LOXHD1: variants seen among roughly 807,000 people sequenced by gnomAD.
LOXHD1 encodes lipoxygenase homology PLAT domains 1.
In LOXHD1, 205 loss-of-function variants were observed where a neutral mutation model predicts 248.2. The ratio of observed to expected loss-of-function variants is 0.83; its 90% CI spans 0.74 to 0.93. LOXHD1 has a LOEUF of 0.93. LOXHD1 is among the 40% of genes least tolerant of loss of function. The pLI, the probability that LOXHD1 is intolerant of heterozygous loss-of-function variation, is 0.00. For missense variants in LOXHD1, 2,930 were observed against 2,971.6 expected, an observed-to-expected ratio of 0.99 and a Z score of 0.33; for synonymous variants, 1,113 against 1,162.8, an observed-to-expected ratio of 0.96 and a Z score of 0.87.
chr18:46,499,515 C>T (rs1311161721), intron 37 of LOXHD1, among the ~76,000 whole-genome samples: 1 of 152,180 alleles, frequency 6.6e-6, no homozygotes, highest in South Asian at 2.1e-4. Flanking sequence ...AATCTTAGAC[C>T]CTAGTTTCTG....
At chr18:46,499,423 T>C (rs1330730282) in intron 37 of LOXHD1, among the ~76,000 whole-genome samples, 1 of 152,122 alleles carries the variant, frequency 6.6e-6, no homozygotes, top group African/African-American at 2.4e-5. Flanking sequence ...GAAATTTAAA[T>C]AAGGGCTGAA....
intron 34 of LOXHD1, among the ~76,000 whole-genome samples, chr18:46,512,211 C>G (rs555224752): frequency 6.6e-6 from 1 of 152,134 alleles, no homozygotes; most frequent in South Asian, 2.1e-4. Flanking sequence ...ATAACAACAT[C>G]GCCATTTTAA....
In LOXHD1 at chr18:46,569,462, C is replaced by T. The variant is rs1445142715; in HGVS notation, c.2224G>A (p.Glu742Lys). ...ERGRVDEFTL[E>K]TLNIGNINRL... Reference sequence around the variant, plus strand: ...CTTACATTTCCAATGTTCAGGGTCTCGAGGGTGAACTCATCCACCCGGCCA... The same window carrying T: ...CTTACATTTCCAATGTTCAGGGTCTTGAGGGTGAACTCATCCACCCGGCCA... The change falls in exon 16 of 41, where the codon GAG becomes AAG. Residue 742 changes from glutamate to lysine, a missense_variant. Glu to Lys is a moderately conservative substitution (Grantham distance 56, BLOSUM62 1). Coordinates refer to ENST00000642948, the MANE Select transcript of LOXHD1 (RefSeq NM_001384474.1). 12 of 1,552,046 alleles carry T rather than the reference C, an allele frequency of 7.7e-6. No homozygotes were observed. Among genetic ancestry groups the T allele is most frequent in the Admixed American group, 3.9e-5 (2 of 50,998 alleles).
chr18:46,550,824 A>G (rs2037067835), intron 21 of LOXHD1, among the ~76,000 whole-genome samples: 1 of 152,100 alleles, frequency 6.6e-6, no homozygotes, highest in Non-Finnish European at 1.5e-5. Flanking sequence ...GCCTATTCTG[A>G]CTGATACAAC....
chr18:46,606,798 A>C (rs1462058941), intron 6 of LOXHD1, among the ~76,000 whole-genome samples: 1 of 152,212 alleles, frequency 6.6e-6, no homozygotes, highest in African/African-American at 2.4e-5. Flanking sequence ...TTGAGGAAAA[A>C]ATAGAAACAT....
intron 20 of LOXHD1, chr18:46,558,159 C>A (rs1456079267): frequency 1.6e-6 from 1 of 636,524 alleles, no homozygotes; most frequent in African/African-American, 2.0e-5. Flanking sequence ...GATGAAAGTT[C>A]ATATGCCTTC....
At chr18:46,602,606 C>T (rs528107216) in intron 7 of LOXHD1, among the ~76,000 whole-genome samples, 1 of 152,272 alleles carries the variant, frequency 6.6e-6, no homozygotes, top group Non-Finnish European at 1.5e-5. Context: ...ACACTCTTAT[C>T]CCATAACCTC....
chr18:46,601,555 C>G (rs750506703), intron 7 of LOXHD1, 88 bp from the exon 8 acceptor site: 1 of 1,522,430 alleles, frequency 6.6e-7, no homozygotes, highest in African/African-American at 1.4e-5. Context: ...GTTACAACAC[C>G]CCCAAAGCCC....
chr18:46,557,785 G>T (rs957923167), intron 20 of LOXHD1: 11 of 1,106,724 alleles, frequency 9.9e-6, no homozygotes, highest in Non-Finnish European at 1.4e-5. Context: ...AGGTTTGCTG[G>T]ATGCCCACAT....
chr18:46,513,637 T>C (rs1006448444), intron 34 of LOXHD1, among the ~76,000 whole-genome samples: 2 of 151,794 alleles, frequency 1.3e-5, no homozygotes, highest in East Asian at 3.9e-4. Context: ...CTGCAAGGAG[T>C]GGATTCTCTC....
rs541939283 is a variant in LOXHD1, at chr18:46,564,289, T to C, written c.2438-1064A>G. Among the ~76,000 whole-genome samples, 441 of 152,232 alleles carry C rather than the reference T, an allele frequency of 2.9e-3. 2 individuals carry two copies. Among genetic ancestry groups the C allele is most frequent in the African/African-American group, 0.01 (428 of 41,538 alleles). On this transcript the variant is annotated intron_variant, in intron 17 of 40. Transcript: ENST00000642948. ...TAATTCCACTGCTTTGTAAATCCACTGAGGCAGAAGGATTGCTTGAGGCCA... is the reference window on the plus strand; with the variant it reads ...TAATTCCACTGCTTTGTAAATCCACCGAGGCAGAAGGATTGCTTGAGGCCA...
intron 24 of LOXHD1, among the ~76,000 whole-genome samples, chr18:46,542,514 A>G (rs1202976203): frequency 6.6e-6 from 1 of 152,190 alleles, no homozygotes; most frequent in Non-Finnish European, 1.5e-5. Context: ...AAAAATCACC[A>G]GTGTCCAGGT....
intron 16 of LOXHD1, among the ~76,000 whole-genome samples, chr18:46,567,283 A>C (rs896551428): frequency 3.9e-5 from 6 of 152,266 alleles, no homozygotes; most frequent in African/African-American, 1.4e-4. Context: ...AGGTGATGTT[A>C]GCCATGAGTC....
chr18:46,544,698 G>C (rs1262251604), intron 23 of LOXHD1: 2 of 400,616 alleles, frequency 5.0e-6, no homozygotes, highest in South Asian at 1.9e-5. Context: ...CTAATAAATG[G>C]TGGAGTGGAG....
At chr18:46,522,961 T>C (rs1215440554) in intron 31 of LOXHD1, among the ~76,000 whole-genome samples, 1 of 152,116 alleles carries the variant, frequency 6.6e-6, no homozygotes, top group African/African-American at 2.4e-5. Flanking sequence ...TTTTTCTTTT[T>C]TTTGAGATGG....
intron 21 of LOXHD1, among the ~76,000 whole-genome samples, chr18:46,549,696 A>T (rs73429188): frequency 0.033 from 5,084 of 152,316 alleles, 268 homozygotes; most frequent in African/African-American, 0.12. Context: ...AAGGGAAAAA[A>T]ATTTAATAAC....
chr18:46,592,444 CCAT>C, intron 11 of LOXHD1, 51 bp downstream of exon 11: 1 of 1,391,276 alleles, frequency 7.2e-7, no homozygotes, highest in Non-Finnish European at 9.9e-7. Flanking sequence ...TGAAAAGGGA[CCAT>C]CCTTGTTCCT....
At chr18:46,597,906 G>A (rs922553153) in intron 8 of LOXHD1, among the ~76,000 whole-genome samples, 5 of 149,564 alleles carry the variant, frequency 3.3e-5, no homozygotes, top group Non-Finnish European at 5.9e-5. Flanking sequence ...GGCGCCCGCC[G>A]CCACACCTGG....
chr18:46,551,363 G>A (rs549188718), intron 21 of LOXHD1, among the ~76,000 whole-genome samples: 8 of 150,238 alleles, frequency 5.3e-5, no homozygotes, highest in South Asian at 4.4e-4. Flanking sequence ...CTGGCCTCCC[G>A]AAGTGCTGGG....
Sources: gnomAD v4.1 joint callset for allele counts (sites outside exome capture counted in the v4.1 genomes callset) on GRCh38, gnomAD v4.1.1 for gene constraint, MANE v1.5 for transcripts, NCBI Gene and HGNC (gene_info 2026-07-23, HGNC 2026-07-21) for gene names.